The following RAB11FIP1 variants were observed in gnomAD, a reference collection of about 807,000 sequenced individuals.
RAB11FIP1 encodes rab11 family-interacting protein 1.
In RAB11FIP1, 49 loss-of-function variants were observed where a neutral mutation model predicts 83.1. That is an observed-to-expected ratio of 0.59 (90% CI 0.47 to 0.75). The LOEUF is 0.75. RAB11FIP1 is among the 30% of genes least tolerant of loss of function. RAB11FIP1 has a pLI of 0.00. For missense variants in RAB11FIP1, 1,536 were observed against 1,598.7 expected (o/e 0.96, Z 0.67); for synonymous variants, 670 against 656.0 (o/e 1.02, Z -0.33).
chr8:37,870,734 AG>A, intron 4 of RAB11FIP1: 1 of 499,972 alleles, frequency 2.0e-6, no homozygotes, highest in East Asian at 3.2e-5. Flanking sequence ...AAGCCAGGAA[AG>A]CATGTCCTTG....
intron 5 of RAB11FIP1, among the ~76,000 whole-genome samples, chr8:37,865,946 A>G (rs572097689): frequency 7.9e-5 from 12 of 152,228 alleles, no homozygotes; most frequent in Non-Finnish European, 1.2e-4. Flanking sequence ...ACGAACCGTC[A>G]AACAGCTATT....
chr8:37,889,360 C>T (rs771654801), intron 1 of RAB11FIP1, among the ~76,000 whole-genome samples: 12 of 152,186 alleles, frequency 7.9e-5, no homozygotes, highest in Admixed American at 1.3e-4. Flanking sequence ...CATTTTTAAA[C>T]ATTTAAGTCT....
chr8:37,880,907 C>T (rs1010962430), intron 1 of RAB11FIP1, among the ~76,000 whole-genome samples: 6 of 152,330 alleles, frequency 3.9e-5, no homozygotes. Flanking sequence ...AAGTTCTTTT[C>T]GGTGACCTAT....
At chr8:37,884,376 T>A (rs1184113100) in intron 1 of RAB11FIP1, among the ~76,000 whole-genome samples, 5 of 152,142 alleles carry the variant, frequency 3.3e-5, no homozygotes, top group Non-Finnish European at 7.3e-5. Context: ...ATAAAATTTC[T>A]ATAAACTATA....
intron 1 of RAB11FIP1, among the ~76,000 whole-genome samples, chr8:37,892,405 T>C (rs1461931570): frequency 6.6e-6 from 1 of 151,754 alleles, no homozygotes; most frequent in African/African-American, 2.4e-5. Flanking sequence ...TTGGACCGTA[T>C]CAACCCACTA....
At chr8:37,880,767 C>CAAAA (rs36034479) in intron 1 of RAB11FIP1, among the ~76,000 whole-genome samples, 2 of 84,778 alleles carry the variant, frequency 2.4e-5, no homozygotes, top group Non-Finnish European at 5.2e-5. Flanking sequence ...CTATCCCTTT[C>CAAAA]AAAAAAAAAA....
Position 37,863,050 on chromosome 8 carries a change from G to A in RAB11FIP1, c.3697C>T (p.Leu1233=). 1.2e-6 allele frequency: 2 copies of A among 1,613,246 alleles called. No homozygotes were observed. Among genetic ancestry groups the A allele is most frequent in the Non-Finnish European group, 1.7e-6 (2 of 1,180,018 alleles). The change falls in exon 6 of 6, where the codon CTG becomes TTG. Residue 1233 remains leucine (L), a synonymous_variant. Coordinates refer to ENST00000330843, the MANE Select transcript of RAB11FIP1 (RefSeq NM_001002814.3). Reference sequence around the variant, plus strand: ...ATCGTTTCCTTCTGTTTGAGGACCAGCTGAATCAGCTCATCGTGGGTCAGC... The same window carrying A: ...ATCGTTTCCTTCTGTTTGAGGACCAACTGAATCAGCTCATCGTGGGTCAGC... ...AQLTHDELIQ[L]VLKQKETISK... is the part of the protein sequence containing the mutation.
chr8:37,894,871 T>C (rs1422234319), intron 1 of RAB11FIP1, among the ~76,000 whole-genome samples: 3 of 150,574 alleles, frequency 2.0e-5, no homozygotes, highest in African/African-American at 7.3e-5. Flanking sequence ...TACCTCAGCC[T>C]CCCGAGTAGC....
Position 37,871,572 on chromosome 8 carries a change from G to A in RAB11FIP1, c.3230C>T (p.Pro1077Leu), listed in dbSNP as rs113253913. The stretch of plus-strand genomic sequence containing the variant: ...CGGGCTTGGACTCCCATTTCCCATC[G>A]GTTTTTCTTCCTCACCACCACTGGG... The part of the protein sequence containing the change: ...PGPSGGEEEK[P>L]MGNGSPSPPP... The change falls in exon 4 of 6, where the codon CCG becomes CTG. Residue 1077 changes from proline (P) to leucine (L), a missense_variant. Physicochemically the swap from Pro to Leu is moderately conservative, Grantham distance 98. Transcript: ENST00000330843. The A allele has an allele frequency of 9.4e-5, 150 of 1,598,462 alleles. 5 individuals are homozygous for A. Among genetic ancestry groups the A allele is most frequent in the South Asian group, 8.2e-4 (73 of 89,452 alleles).
At chr8:37,893,007 T>C (rs1806980402) in intron 1 of RAB11FIP1, among the ~76,000 whole-genome samples, 1 of 152,126 alleles carries the variant, frequency 6.6e-6, no homozygotes, top group African/African-American at 2.4e-5. Flanking sequence ...TTTTCTTCTA[T>C]AATATCCTGT....
At chr8:37,883,814 T>C (rs1224265436) in intron 1 of RAB11FIP1, among the ~76,000 whole-genome samples, 5 of 152,146 alleles carry the variant, frequency 3.3e-5, no homozygotes, top group Non-Finnish European at 7.3e-5. Flanking sequence ...GCTTGAATTA[T>C]CTCAGAAATC....
At chr8:37,893,074 T>C (rs1713265506) in intron 1 of RAB11FIP1, among the ~76,000 whole-genome samples, 1 of 149,256 alleles carries the variant, frequency 6.7e-6, no homozygotes, top group South Asian at 2.1e-4. Flanking sequence ...GAGTTCTTTT[T>C]TCTTTTTTTT....
At chr8:37,889,170 G>A (rs2130186957) in intron 1 of RAB11FIP1, among the ~76,000 whole-genome samples, 1 of 152,268 alleles carries the variant, frequency 6.6e-6, no homozygotes, top group East Asian at 1.9e-4. Context: ...AGAAAAGAAA[G>A]AGACAAGAAA....
chr8:37,871,614 T>C lies in RAB11FIP1; in HGVS notation c.3188A>G (p.Asp1063Gly). ...ACCACTGGGGCCTGGCAGCTGTTTA[T>C]CCAAGCTTGAGCTCTTGCCAAGATG... ...KPHLGKSSSL[D>G]KQLPGPSGGE... The change falls in exon 4 of 6, where the codon GAT (aspartate) becomes GGT (glycine). Residue 1063 changes from aspartate to glycine, a missense_variant. Coordinates refer to ENST00000330843, the MANE Select transcript of RAB11FIP1 (RefSeq NM_001002814.3). The C allele has an allele frequency of 6.2e-7, 1 of 1,605,742 alleles. No homozygotes were observed. Among genetic ancestry groups the C allele is most frequent in the Admixed American group, 1.7e-5 (1 of 59,456 alleles).
At chr8:37,879,031 G>A (rs1183504441) in intron 1 of RAB11FIP1, among the ~76,000 whole-genome samples, 3 of 152,156 alleles carry the variant, frequency 2.0e-5, no homozygotes, top group Non-Finnish European at 4.4e-5. Flanking sequence ...AATCAGGCTA[G>A]GCACAGTGGC....
In RAB11FIP1 at chr8:37,872,088, G is replaced by A. The variant is rs150090723; in HGVS notation, c.2714C>T (p.Ala905Val). 96 of 1,613,916 alleles carry A rather than the reference G, an allele frequency of 5.9e-5. No individual in the cohort carries two copies. The highest frequency in any genetic ancestry group is 8.8e-5 in the South Asian group (8 of 91,070). ...SEVPMSEASS[A>V]KDTPLFRMEG... Reference sequence around the variant, plus strand: ...CATCCTAAAGAGTGGAGTGTCTTTCGCTGAGCTTGCTTCACTCATGGGGAC... The same window carrying A: ...CATCCTAAAGAGTGGAGTGTCTTTCACTGAGCTTGCTTCACTCATGGGGAC... The change falls in exon 4 of 6, where the codon GCG (alanine) becomes GTG (valine). Residue 905 changes from alanine to valine, a missense_variant. Transcript: ENST00000330843.
intron 5 of RAB11FIP1, among the ~76,000 whole-genome samples, chr8:37,868,052 G>A (rs998371683): frequency 1.3e-5 from 2 of 152,044 alleles, no homozygotes; most frequent in Admixed American, 6.6e-5. Flanking sequence ...TCGAGGCTGC[G>A]ATGAGCTATG....
intron 1 of RAB11FIP1, among the ~76,000 whole-genome samples, chr8:37,884,511 T>C (rs1806788862): frequency 6.6e-6 from 1 of 152,026 alleles, no homozygotes. Context: ...CCTCAGCCTC[T>C]TGAGGAGCTG....
intron 5 of RAB11FIP1, among the ~76,000 whole-genome samples, chr8:37,865,385 T>A (rs1806323267): frequency 6.6e-6 from 1 of 151,356 alleles, no homozygotes; most frequent in South Asian, 2.1e-4. Context: ...AGTGACACGA[T>A]CTCGGCTCAC....
Sources: gnomAD v4.1 joint callset for allele counts (sites outside exome capture counted in the v4.1 genomes callset) on GRCh38, gnomAD v4.1.1 for gene constraint, MANE v1.5 for transcripts, NCBI Gene and HGNC (gene_info 2026-07-23, HGNC 2026-07-21) for gene names.